Variants in FARS2 observed in about 807,000 individuals in gnomAD.
FARS2 encodes phenylalanyl-tRNA synthetase 2, mitochondrial.
FARS2 carries 40 observed loss-of-function variants against 46.4 expected under a neutral mutation model. That is an observed-to-expected ratio of 0.86 (90% CI 0.67 to 1.12). The LOEUF is 1.12. Among genes scored for constraint, FARS2 ranks in the 50% most tolerant of loss-of-function variants. The pLI, the probability that FARS2 is intolerant of heterozygous loss-of-function variation, is 0.00. For missense variants in FARS2, 513 were observed against 567.9 expected (o/e 0.90, Z 0.98); for synonymous variants, 234 against 214.9 (o/e 1.09, Z -0.78).
chr6:5,496,873 G>C lies in FARS2; in HGVS notation c.905-48307G>C, dbSNP rs150226725. Among the ~76,000 whole-genome samples the C allele has an allele frequency of 1.5e-3, 231 of 152,118 alleles. 1 individual carries two copies. Among genetic ancestry groups the C allele is most frequent in the African/African-American group, 5.4e-3 (223 of 41,502 alleles). On this transcript the variant is annotated intron_variant, in intron 4 of 6. Coordinates refer to ENST00000274680, the MANE Select transcript of FARS2 (RefSeq NM_006567.5). ...ATTTAATTTTATTTTTTTAGAGGTA[G>C]AGGTCTCACTATATTGCCTAGGCTG...
chr6:5,769,379 CCT>C (rs1762913854), intron 6 of FARS2, among the ~76,000 whole-genome samples: 2 of 152,238 alleles, frequency 1.3e-5, no homozygotes, highest in African/African-American at 4.8e-5. Flanking sequence ...TCCTGGAGAG[CCT>C]CTGTTTTCCT....
chr6:5,437,161 G>A (rs934918398), intron 4 of FARS2, among the ~76,000 whole-genome samples: 4 of 152,146 alleles, frequency 2.6e-5, no homozygotes, highest in Middle Eastern at 3.2e-3. Context: ...ATTGTACAGT[G>A]TGTATTCATT....
intron 6 of FARS2, among the ~76,000 whole-genome samples, chr6:5,633,998 A>T (rs1389889349): frequency 6.6e-6 from 1 of 152,012 alleles, no homozygotes; most frequent in Non-Finnish European, 1.5e-5. Flanking sequence ...TTTATTTTAT[A>T]TTTTTTGTTT....
In FARS2 at chr6:5,500,453, A is replaced by G. The variant is rs80059845; in HGVS notation, c.905-44727A>G. On this transcript the variant is annotated intron_variant, in intron 4 of 6. Transcript: ENST00000274680. ...CCACATTAGTAAGCATCTCTCCTGG[A>G]TGACTGAAGGGAAATCAAGGCCAGC... Among the ~76,000 whole-genome samples, 488 of 152,320 alleles carry G rather than the reference A, an allele frequency of 3.2e-3. 3 individuals are homozygous for G. The highest frequency in any genetic ancestry group is 0.011 in the African/African-American group (471 of 41,570).
intron 4 of FARS2, chr6:5,431,928 C>T (rs974913371): frequency 1.0e-4 from 19 of 185,782 alleles, no homozygotes; most frequent in Non-Finnish European, 1.6e-4. Flanking sequence ...TTTTAAGTCA[C>T]TATCTGAATT....
the FARS2 span, among the ~76,000 whole-genome samples, chr6:5,252,334 A>G: frequency 3.9e-4 from 59 of 152,290 alleles, no homozygotes; most frequent in African/African-American, 1.3e-3. Flanking sequence ...TGTGAGACCA[A>G]TCAAGTTGCT....
intron 6 of FARS2, among the ~76,000 whole-genome samples, chr6:5,757,516 G>A (rs1025893683): frequency 1.4e-4 from 22 of 152,070 alleles, no homozygotes; most frequent in Middle Eastern, 3.2e-3. Context: ...TTACTTTTTC[G>A]CAGAAGTATA....
At chr6:5,721,907 A>G (rs1339075622) in intron 6 of FARS2, among the ~76,000 whole-genome samples, 1 of 152,246 alleles carries the variant, frequency 6.6e-6, no homozygotes, top group Admixed American at 6.5e-5. Context: ...TTTCCTTGAG[A>G]CAACCTTGTG....
intron 6 of FARS2, among the ~76,000 whole-genome samples, chr6:5,729,616 T>C (rs1397980067): frequency 3.3e-5 from 5 of 152,056 alleles, no homozygotes. Context: ...TTTGTCCTCC[T>C]CGGTACTCAG....
In FARS2 at chr6:5,630,735, G is replaced by T. The variant is rs558353657; in HGVS notation, c.1217+17415G>T. Among the ~76,000 whole-genome samples the T allele has an allele frequency of 1.3e-5, 2 of 152,352 alleles. No individual in the cohort carries two copies. The highest frequency in any genetic ancestry group is 4.1e-4 in the South Asian group (2 of 4,832). ...GAAGGGAGAATTACACAGACGTGAT[G>T]ATTGGCTATCAGAGTTCCCCAGCAC... On this transcript the variant is annotated intron_variant, in intron 6 of 6. Transcript: ENST00000274680. This position sits in a 1 kb window ranked among gnomAD's most constrained non-coding sequence, Gnocchi z 4.2.
At chr6:5,321,142 A>G (rs996855277) in intron 1 of FARS2, among the ~76,000 whole-genome samples, 3 of 152,202 alleles carry the variant, frequency 2.0e-5, no homozygotes, top group Non-Finnish European at 2.9e-5. Context: ...CCAATTCCAT[A>G]AAGGCTTTGT....
At chr6:5,370,994 G>A (rs1368506436) in intron 2 of FARS2, among the ~76,000 whole-genome samples, 1 of 152,174 alleles carries the variant, frequency 6.6e-6, no homozygotes, top group Non-Finnish European at 1.5e-5. Flanking sequence ...TGAGGAATGA[G>A]GTCCCGAAAG....
chr6:5,604,061 G>A (rs1774688890), intron 5 of FARS2, among the ~76,000 whole-genome samples: 1 of 152,206 alleles, frequency 6.6e-6, no homozygotes, highest in African/African-American at 2.4e-5. Context: ...GAAGTAGGGA[G>A]GTGGATAGGA....
At chr6:5,363,625 A>G (rs1758460966) in intron 1 of FARS2, among the ~76,000 whole-genome samples, 1 of 152,182 alleles carries the variant, frequency 6.6e-6, no homozygotes, top group Admixed American at 6.5e-5. Context: ...AGGAATACAG[A>G]CAACAGCAGG....
At chr6:5,674,193 TAAAAAAAAAAA>T (rs71540878) in intron 6 of FARS2, among the ~76,000 whole-genome samples, 1 of 76,354 alleles carries the variant, frequency 1.3e-5, no homozygotes, top group African/African-American at 4.8e-5. Flanking sequence ...GCATTCTCAT[TAAAAAAAAAAA>T]AAAAAAAAAA....
intron 4 of FARS2, among the ~76,000 whole-genome samples, chr6:5,531,932 A>G (rs1454758563): frequency 1.3e-5 from 2 of 152,202 alleles, no homozygotes; most frequent in Non-Finnish European, 2.9e-5. Flanking sequence ...CCATCATTGT[A>G]ACTAACAATC....
intron 6 of FARS2, among the ~76,000 whole-genome samples, chr6:5,616,445 T>C (rs1775484395): frequency 6.6e-6 from 1 of 152,216 alleles, no homozygotes; most frequent in Non-Finnish European, 1.5e-5. Context: ...TTAGTACAAG[T>C]TGAGTATCCC....
chr6:5,638,957 T>C (rs1482903678), intron 6 of FARS2, among the ~76,000 whole-genome samples: 1 of 152,180 alleles, frequency 6.6e-6, no homozygotes, highest in Non-Finnish European at 1.5e-5. Flanking sequence ...AAGCTGCTCA[T>C]AGCAGCACTC....
At chr6:5,323,095 A>T (rs1358734028) in intron 1 of FARS2, among the ~76,000 whole-genome samples, 5 of 152,194 alleles carry the variant, frequency 3.3e-5, no homozygotes, top group African/African-American at 1.2e-4. Flanking sequence ...TCATTTTTTT[A>T]TTAAGCATCC....
Sources: gnomAD v4.1 joint callset for allele counts (sites outside exome capture counted in the v4.1 genomes callset) on GRCh38, gnomAD v4.1.1 for gene constraint, Gnocchi (gnomAD v3.1) non-coding constraint, MANE v1.5 for transcripts, NCBI Gene and HGNC (gene_info 2026-07-23, HGNC 2026-07-21) for gene names.